The following ITGA11 variants were observed in gnomAD, a reference collection of about 807,000 sequenced individuals.
ITGA11 encodes integrin subunit alpha 11.
In ITGA11, 97 loss-of-function variants were observed where a neutral mutation model predicts 141.9. That is an observed-to-expected ratio of 0.68 (90% CI 0.58 to 0.81). ITGA11 has a LOEUF of 0.81. Among genes scored for constraint, ITGA11 ranks in the 30% least tolerant of loss-of-function variants. The pLI is 0.00. For missense variants in ITGA11, 1,387 were observed against 1,559.2 expected, an observed-to-expected ratio of 0.89 and a Z score of 1.86; for synonymous variants, 658 against 624.6, an observed-to-expected ratio of 1.05 and a Z score of -0.80.
intron 1 of ITGA11, among the ~76,000 whole-genome samples, chr15:68,429,326 A>G (rs1371598510): frequency 2.0e-5 from 3 of 152,290 alleles, no homozygotes; most frequent in Admixed American, 2.0e-4. Context: ...GTCTGATCTC[A>G]CTTTGTGTCT....
intron 8 of ITGA11, 28 bp downstream of exon 8, chr15:68,351,230 A>G (rs1177656180): frequency 6.2e-7 from 1 of 1,612,608 alleles, no homozygotes; most frequent in African/African-American, 1.3e-5. Flanking sequence ...AGAGGCCATC[A>G]GCAGCCCTTG....
Position 68,303,573 on chromosome 15 carries a change from C to T in ITGA11, c.3495+199G>A, listed in dbSNP as rs1893096877. ...GGAACCTTAGTTTTCATCAGGTTCT[C>T]AAAGGCATCCACAAACAGGTTAGAG... On this transcript the variant is annotated intron_variant, in intron 29 of 29. Transcript: ENST00000315757. This position sits in a 1 kb window ranked among gnomAD's most constrained non-coding sequence, Gnocchi z 5.3. 6.6e-6 allele frequency among the ~76,000 whole-genome samples: 1 copy of T among 151,404 alleles called. No homozygotes were observed. Among genetic ancestry groups the T allele is most frequent in the African/African-American group, 2.4e-5 (1 of 41,182 alleles).
At chr15:68,338,627 G>C (rs7178537) in intron 11 of ITGA11, among the ~76,000 whole-genome samples, 131,764 of 152,282 alleles carry the variant, frequency 0.87, 57,095 homozygotes, top group South Asian at 0.92. Flanking sequence ...GTAACCACAG[G>C]GTGGGCAGAG....
intron 4 of ITGA11, among the ~76,000 whole-genome samples, chr15:68,363,849 A>G (rs1895331898): frequency 6.6e-6 from 1 of 152,234 alleles, no homozygotes; most frequent in South Asian, 2.1e-4. Flanking sequence ...CCATGTGCAG[A>G]GTCCATATGT....
At chr15:68,408,397 C>T (rs974369895) in intron 1 of ITGA11, among the ~76,000 whole-genome samples, 2 of 152,204 alleles carry the variant, frequency 1.3e-5, no homozygotes, top group Non-Finnish European at 2.9e-5. Flanking sequence ...TCTGATTACT[C>T]CTGTCTCCCG....
At chr15:68,334,047 C>T (rs1416052183) in intron 12 of ITGA11, among the ~76,000 whole-genome samples, 1 of 152,230 alleles carries the variant, frequency 6.6e-6, no homozygotes, top group Non-Finnish European at 1.5e-5. Flanking sequence ...TGACCTTCTC[C>T]ACTCTGCTCC....
intron 20 of ITGA11, among the ~76,000 whole-genome samples, chr15:68,318,489 C>G (rs570216588): frequency 6.6e-6 from 1 of 152,310 alleles, no homozygotes; most frequent in African/African-American, 2.4e-5. Flanking sequence ...GGCTCTTCAT[C>G]ATCAGCCTGG....
chr15:68,358,583 A>G lies in ITGA11; in HGVS notation c.475T>C (p.Cys159Arg), dbSNP rs1353992425. 1.2e-6 allele frequency: 2 copies of G among 1,610,496 alleles called. No homozygotes were observed. Among genetic ancestry groups the G allele is most frequent in the Non-Finnish European group, 1.7e-6 (2 of 1,178,718 alleles). The change falls in exon 6 of 30, where the codon TGC becomes CGC. Residue 159 changes from cysteine (C) to arginine (R), a missense_variant and splice_region_variant. Coordinates refer to ENST00000315757, the MANE Select transcript of ITGA11 (RefSeq NM_001004439.2). ...ATGACGATGTCCATGTAGGTCTGGC[A>G]CCCTGGAAAGTGGGGACACAGTTAT... ...SKTVAPALQR[C>R]QTYMDIVIVL... is the part of the protein sequence containing the mutation.
chr15:68,303,132 T>C lies in ITGA11; in HGVS notation c.3496-2A>G. The C allele has an allele frequency of 1.3e-6, 2 of 1,551,264 alleles. No individual in the cohort carries two copies. Among genetic ancestry groups the C allele is most frequent in the Non-Finnish European group, 1.7e-6 (2 of 1,147,024 alleles). ...CCTGGCACTTCTAAAGAAGCCGAGC[T>C]GTGAGGAGGCAAAGGGAGACGTCTC... On this transcript the variant is annotated splice_acceptor_variant, in intron 29 of 29. Coordinates refer to ENST00000315757, the MANE Select transcript of ITGA11 (RefSeq NM_001004439.2). LOFTEE classifies it high-confidence loss of function. The surrounding 1 kb of genome is among the most constrained non-coding windows in gnomAD (Gnocchi z 5.3).
In ITGA11 at chr15:68,325,947, CAG is replaced by C. The variant is rs1470006894; in HGVS notation, c.2211+705_2211+706del. On this transcript the variant is annotated intron_variant, in intron 17 of 29. Transcript: ENST00000315757. The surrounding 1 kb of genome is among the most constrained non-coding windows in gnomAD (Gnocchi z 5.5). The stretch of plus-strand genomic sequence containing the variant: ...CTGGCGCCAGCCCCAGCCCCAGCCC[CAG>C]AGTTTCTGAGTCAGAACAAGTGAAT... 3.9e-5 allele frequency among the ~76,000 whole-genome samples: 6 copies of C among 152,360 alleles called. No homozygotes were observed. The highest frequency in any genetic ancestry group is 1.2e-4 in the African/African-American group (5 of 41,578).
intron 13 of ITGA11, 106 bp downstream of exon 13, chr15:68,332,232 G>T: frequency 7.2e-7 from 1 of 1,383,270 alleles, no homozygotes; most frequent in Non-Finnish European, 9.8e-7. Flanking sequence ...CCCCAGGCCT[G>T]GCTCCAGCAC....
Position 68,348,893 on chromosome 15 carries a change from G to C in ITGA11, c.1068C>G (p.Asn356Lys), listed in dbSNP as rs1595871384. 6.2e-7 allele frequency: 1 copy of C among 1,606,196 alleles called. No individual in the cohort carries two copies. The highest frequency in any genetic ancestry group is 8.5e-7 in the Non-Finnish European group (1 of 1,176,370). The change falls in exon 10 of 30, where the codon AAC (asparagine) becomes AAG (lysine). Residue 356 changes from asparagine to lysine, a missense_variant. Coordinates refer to ENST00000315757, the MANE Select transcript of ITGA11 (RefSeq NM_001004439.2). ...CCAGCCCAAAGGAGGTCTCGTTCTTGTTGGTGCCTGCAACAGAGTGACAGA... is the reference window on the plus strand; with the variant it reads ...CCAGCCCAAAGGAGGTCTCGTTCTTCTTGGTGCCTGCAACAGAGTGACAGA... ...GDRIFSLEGT[N>K]KNETSFGLEM... is the part of the protein sequence containing the mutation.
intron 11 of ITGA11, among the ~76,000 whole-genome samples, chr15:68,337,361 G>A (rs891614942): frequency 4.6e-5 from 7 of 152,058 alleles, no homozygotes; most frequent in Admixed American, 3.3e-4. Context: ...ACCATGGCCC[G>A]AAATTTATAC....
In ITGA11 at chr15:68,333,255, G is replaced by T. The variant is rs1009682628; in HGVS notation, c.1426-777C>A. Among the ~76,000 whole-genome samples the T allele has an allele frequency of 6.6e-6, 1 of 151,932 alleles. No homozygotes were observed. The highest frequency in any genetic ancestry group is 1.5e-5 in the Non-Finnish European group (1 of 67,984). On this transcript the variant is annotated intron_variant, in intron 12 of 29. Transcript: ENST00000315757. The surrounding 1 kb of genome is among the most constrained non-coding windows in gnomAD (Gnocchi z 4.2). ...GCTGGGACCACAGGCACTTACCACC[G>T]CTCCTGGCTGTTTTAAAAAATTATT...
chr15:68,364,856 G>T, intron 3 of ITGA11, 58 bp from the exon 4 acceptor site: 2 of 1,509,438 alleles, frequency 1.3e-6, no homozygotes, highest in Non-Finnish European at 1.8e-6. Flanking sequence ...TCTGCCCAGA[G>T]CCTGCTGCTG....
chr15:68,317,436 C>T (rs1291819725), intron 20 of ITGA11, 73 bp from the exon 21 acceptor site: 2 of 1,035,376 alleles, frequency 1.9e-6, no homozygotes, highest in Admixed American at 3.4e-5. Flanking sequence ...CTCCCTCACC[C>T]CCAGCCTGCA....
chr15:68,414,948 C>T (rs918369421), intron 1 of ITGA11, among the ~76,000 whole-genome samples: 2 of 152,186 alleles, frequency 1.3e-5, no homozygotes, highest in African/African-American at 4.8e-5. Flanking sequence ...CACCCTGATA[C>T]CCTCCTGTGC....
chr15:68,369,520 T>A (rs995756952), intron 2 of ITGA11, among the ~76,000 whole-genome samples: 11 of 152,132 alleles, frequency 7.2e-5, no homozygotes, highest in African/African-American at 2.7e-4. Flanking sequence ...CTTGCCTAGG[T>A]ACAGAGATGA....
At chr15:68,347,147 A>C (rs754482755) in intron 10 of ITGA11, among the ~76,000 whole-genome samples, 2 of 152,194 alleles carry the variant, frequency 1.3e-5, no homozygotes, top group African/African-American at 2.4e-5. Flanking sequence ...CAGAGTCTGG[A>C]GACCAGGGCT....
Sources: gnomAD v4.1 joint callset for allele counts (sites outside exome capture counted in the v4.1 genomes callset) on GRCh38, gnomAD v4.1.1 for gene constraint, Gnocchi (gnomAD v3.1) non-coding constraint, MANE v1.5 for transcripts, NCBI Gene and HGNC (gene_info 2026-07-23, HGNC 2026-07-21) for gene names.